PM20D1: variants seen among roughly 807,000 people sequenced by gnomAD.
PM20D1 encodes the protein N-fatty-acyl-amino acid synthase/hydrolase PM20D1.
PM20D1 carries 53 observed loss-of-function variants against 53.8 expected under a neutral mutation model. That is an observed-to-expected ratio of 0.98 (90% CI 0.79 to 1.24). PM20D1 has a LOEUF of 1.24. PM20D1 is among the 50% of genes most tolerant of loss of function. The pLI is 0.00. For missense variants in PM20D1, 564 were observed against 616.8 expected (o/e 0.91, Z 0.91); for synonymous variants, 239 against 241.3 (o/e 0.99, Z 0.09).
At chr1:205,842,628 G>T in intron 7 of PM20D1, 48 bp downstream of exon 7, 1 of 1,580,340 alleles carries the variant, frequency 6.3e-7, no homozygotes, top group Non-Finnish European at 8.7e-7. Context: ...TTTTCTGTCC[G>T]TCTTTTGTTC....
Position 205,845,380 on chromosome 1 carries a change from TCCAAC to T in PM20D1, c.429_433del (p.Leu144AlafsTer2), listed in dbSNP as rs1206381752. On this transcript the variant is annotated frameshift_variant, in exon 3 of 13. Coordinates refer to ENST00000367136, the MANE Select transcript of PM20D1 (RefSeq NM_152491.5). LOFTEE classifies it high-confidence loss of function. ...CCGACCATAGATGATGCCATCACGC[TCCAAC>T]CCAGAGAATGGGGGCACCTCCCAGC... 1 of 1,614,116 alleles carries T rather than the reference TCCAAC, an allele frequency of 6.2e-7. No individual in the cohort carries two copies. The highest frequency in any genetic ancestry group is 8.5e-7 in the Non-Finnish European group (1 of 1,180,010).
rs775488244 is a variant in PM20D1, at chr1:205,843,813, T to C, written c.708-27A>G. Reference sequence around the variant, plus strand: ...TGTAGAAGAGGATCGGAAACCACTCTCCTGACTTCTTGCCTCTCTGAATTC... The same window carrying C: ...TGTAGAAGAGGATCGGAAACCACTCCCCTGACTTCTTGCCTCTCTGAATTC... On this transcript the variant is annotated intron_variant, in intron 5 of 12. Transcript: ENST00000367136. The C allele has an allele frequency of 1.1e-5, 18 of 1,608,502 alleles. No homozygotes were observed. In the African/African-American group the frequency reaches 1.9e-4, roughly 17 times the overall value.
chr1:205,837,087 A>G (rs1475968628), intron 10 of PM20D1, among the ~76,000 whole-genome samples: 1 of 152,226 alleles, frequency 6.6e-6, no homozygotes, highest in African/African-American at 2.4e-5. Flanking sequence ...TACCACTTAA[A>G]AAAAATTTCC....
intron 2 of PM20D1, 57 bp downstream of exon 2, chr1:205,847,828 A>G: frequency 2.9e-6 from 3 of 1,022,826 alleles, no homozygotes; most frequent in Non-Finnish European, 4.7e-6. Flanking sequence ...TTGTAAAAGA[A>G]CTGTGTCTCC....
In PM20D1 at chr1:205,845,529, A is replaced by C; in HGVS notation, c.285T>G (p.Phe95Leu). 1 of 1,614,228 alleles carries C rather than the reference A, an allele frequency of 6.2e-7. No homozygotes were observed. Among genetic ancestry groups the C allele is most frequent in the African/African-American group, 1.3e-5 (1 of 75,062 alleles). ...KVFPTVVSTS[F>L]IQHEVVEEYS... ...ACTCTTCCACGACTTCATGCTGGAT[A>C]AAGCTGGTGCTGACCACTGTAGGAA... The change falls in exon 3 of 13, where the codon TTT becomes TTG. Residue 95 changes from phenylalanine to leucine, a missense_variant. Physicochemically the swap from Phe to Leu is conservative, Grantham distance 22. Transcript: ENST00000367136.
intron 5 of PM20D1, 123 bp downstream of exon 5, chr1:205,843,964 G>A: frequency 2.7e-6 from 4 of 1,478,104 alleles, no homozygotes; most frequent in Non-Finnish European, 3.6e-6. Context: ...TAAAGATTGG[G>A]GCGATTAATG....
intron 1 of PM20D1, among the ~76,000 whole-genome samples, chr1:205,848,199 T>A (rs906881052): frequency 6.6e-6 from 1 of 152,220 alleles, no homozygotes; most frequent in Non-Finnish European, 1.5e-5. Flanking sequence ...TTTAAACCTA[T>A]GTCTTCTGGG....
chr1:205,828,679 C>G lies in PM20D1; in HGVS notation c.1450G>C (p.Glu484Gln). Residue 484 changes from glutamate to glutamine, a missense_variant, in exon 13 of 13, where the codon GAG becomes CAG. By Grantham distance (29) the Glu-to-Gln change is conservative. Coordinates refer to ENST00000367136, the MANE Select transcript of PM20D1 (RefSeq NM_152491.5). ...AYETQVKFIF[E>Q]LIQNADTDQE... The stretch of plus-strand genomic sequence containing the variant: ...TCTGTGTCAGCATTCTGAATCAACT[C>G]AAAGATGAATTTCACTTGGGTCTCA... 1.9e-6 allele frequency: 3 copies of G among 1,614,194 alleles called. No individual in the cohort carries two copies. Among genetic ancestry groups the G allele is most frequent in the Non-Finnish European group, 2.5e-6 (3 of 1,180,028 alleles).
rs755162081 is a variant in PM20D1 at position 205,828,595 on chromosome 1, G to C, written c.*25C>G. 1.9e-6 allele frequency: 3 copies of C among 1,613,634 alleles called. No individual in the cohort carries two copies. Among genetic ancestry groups the C allele is most frequent in the Non-Finnish European group, 2.5e-6 (3 of 1,179,822 alleles). ...TTAGTCCTGTCCCGGGGTCGGGCAT[G>C]CCTAACCCAGCAGGCCCCTTGACCT... On this transcript the variant is annotated 3_prime_UTR_variant, in exon 13 of 13. Transcript: ENST00000367136.
chr1:205,836,637 G>A (rs1656693186), intron 10 of PM20D1, among the ~76,000 whole-genome samples: 1 of 152,118 alleles, frequency 6.6e-6, no homozygotes, highest in Non-Finnish European at 1.5e-5. Context: ...CCTCCTGTGA[G>A]TAGCTGGGAG....
intron 10 of PM20D1, among the ~76,000 whole-genome samples, chr1:205,834,461 G>C (rs914760379): frequency 1.1e-4 from 16 of 152,136 alleles, no homozygotes; most frequent in African/African-American, 3.9e-4. Context: ...CCGGCCCCAA[G>C]AGTACCTCTT....
At chr1:205,848,037 CT>C (rs1214015484) in intron 1 of PM20D1, 66 bp from the exon 2 acceptor site, 11 of 1,497,754 alleles carry the variant, frequency 7.3e-6, no homozygotes, top group Non-Finnish European at 1.0e-5. Flanking sequence ...CTACAGTCCT[CT>C]GTGCACAAAA....
chr1:205,843,877 T>C, intron 5 of PM20D1, 91 bp from the exon 6 acceptor site: 1 of 1,528,582 alleles, frequency 6.5e-7, no homozygotes, highest in South Asian at 1.3e-5. Flanking sequence ...AATAGTCTAG[T>C]GGGCAAGGAG....
intron 2 of PM20D1, among the ~76,000 whole-genome samples, chr1:205,846,401 A>G (rs996741150): frequency 6.6e-6 from 1 of 152,064 alleles, no homozygotes; most frequent in African/African-American, 2.4e-5. Flanking sequence ...AAAAAGACTC[A>G]CTATTAAGAT....
chr1:205,844,116 G>A lies in PM20D1; in HGVS notation c.678C>T (p.Phe226=), dbSNP rs773655785. The change falls in exon 5 of 13, where the codon TTC becomes TTT. Residue 226 remains phenylalanine (F), a synonymous_variant. Transcript: ENST00000367136. The part of the protein sequence containing the change: ...VDEGGFILDD[F]IPNFKKPIAL... ...CGATGGGCTTCTTGAAGTTAGGAATGAAATCATCCAAGATGAAGCCCCCCT... is the reference window on the plus strand; with the variant it reads ...CGATGGGCTTCTTGAAGTTAGGAATAAAATCATCCAAGATGAAGCCCCCCT... The A allele has an allele frequency of 4.3e-6, 7 of 1,613,598 alleles. No individual in the cohort carries two copies. Among genetic ancestry groups the A allele is most frequent in the African/African-American group, 4.0e-5 (3 of 74,916 alleles).
chr1:205,849,962 C>T lies in PM20D1; in HGVS notation c.111G>A (p.Ser37=). 1.2e-6 allele frequency: 2 copies of T among 1,614,082 alleles called. No individual in the cohort carries two copies. The highest frequency in any genetic ancestry group is 1.7e-6 in the Non-Finnish European group (2 of 1,179,990). ...GPRSGEHQRA[S]RIPSQFSKEE... ...CTTTGCTGAACTGAGAAGGGATTCG[C>T]GACGCCCTTTGATGCTCCCCGCTCC... The change falls in exon 1 of 13, where the codon TCG becomes TCA. Residue 37 remains serine (S), a synonymous_variant. Transcript: ENST00000367136.
chr1:205,840,088 T>C (rs115942984), intron 10 of PM20D1, among the ~76,000 whole-genome samples, 164 bp downstream of exon 10: 1,647 of 152,310 alleles, frequency 0.011, 30 homozygotes, highest in African/African-American at 0.037. Flanking sequence ...AAACCCAGGA[T>C]CTCCAATCCT....
intron 2 of PM20D1, among the ~76,000 whole-genome samples, chr1:205,846,805 T>C (rs1429746519): frequency 6.6e-6 from 1 of 152,010 alleles, no homozygotes; most frequent in Non-Finnish European, 1.5e-5. Context: ...TCACATAAAC[T>C]TCTGTGGATA....
chr1:205,838,197 GTA>G (rs1369543369), intron 10 of PM20D1, among the ~76,000 whole-genome samples: 1 of 152,126 alleles, frequency 6.6e-6, no homozygotes, highest in Non-Finnish European at 1.5e-5. Context: ...CCTAACCCTG[GTA>G]TATTCTGGAA....
Sources: allele counts gnomAD v4.1 joint callset (sites outside exome capture counted in the v4.1 genomes callset), GRCh38; gene constraint gnomAD v4.1.1; transcripts MANE v1.5; gene names NCBI Gene and HGNC (gene_info 2026-07-23, HGNC 2026-07-21).